Variants in ZNF644 observed in about 807,000 individuals in gnomAD.
ZNF644 encodes the protein zinc finger motif enhancer binding protein 2.
Under a neutral mutation model 108.0 loss-of-function variants are expected in ZNF644, and 20 were observed. The ratio of observed to expected loss-of-function variants is 0.19; its 90% CI spans 0.13 to 0.27. The LOEUF (loss-of-function observed/expected upper bound fraction) is 0.27, where lower values mean the gene tolerates loss of function less well. ZNF644 is among the 10% of genes least tolerant of loss of function. The pLI is 1.00. For missense variants in ZNF644, 1,338 were observed against 1,548.9 expected (o/e 0.86, Z 2.29); for synonymous variants, 542 against 539.1 (o/e 1.01, Z -0.08).
At chr1:90,920,135 G>A (rs1009728919) in intron 4 of ZNF644, among the ~76,000 whole-genome samples, 3 of 152,026 alleles carry the variant, frequency 2.0e-5, no homozygotes, top group Non-Finnish European at 4.4e-5. Context: ...AGTGCTACTA[G>A]ATGTCAGCTA....
intron 4 of ZNF644, among the ~76,000 whole-genome samples, chr1:90,922,536 A>G (rs1407228369): frequency 3.3e-5 from 5 of 152,134 alleles, no homozygotes; most frequent in African/African-American, 1.2e-4. Flanking sequence ...TGGGAAGAGG[A>G]TGCACACATG....
At chr1:90,968,257 A>G (rs1449758116) in intron 2 of ZNF644, among the ~76,000 whole-genome samples, 1 of 152,100 alleles carries the variant, frequency 6.6e-6, no homozygotes, top group Non-Finnish European at 1.5e-5. Flanking sequence ...TAGGTATGTA[A>G]ATGTACTGAT....
chr1:90,959,328 A>G (rs1334301798), intron 2 of ZNF644, among the ~76,000 whole-genome samples: 1 of 152,202 alleles, frequency 6.6e-6, no homozygotes, highest in East Asian at 1.9e-4. Context: ...ATAAGTATGG[A>G]TAATAAGTTT....
Position 90,946,798 on chromosome 1 carries a change from A to T in ZNF644, c.45-5489T>A, listed in dbSNP as rs938829668. 4.0e-5 allele frequency among the ~76,000 whole-genome samples: 6 copies of T among 151,800 alleles called. No homozygotes were observed. The East Asian group carries it at 5.8e-4, about 15-fold the overall frequency. ...TGAGTTTGATATATAGATTGCCATT[A>T]AAAAAAAGCAAACAAATTACACTGA... is the stretch of plus-strand genomic sequence containing the variant. On this transcript the variant is annotated intron_variant, in intron 2 of 5. Transcript: ENST00000337393.
intron 2 of ZNF644, among the ~76,000 whole-genome samples, chr1:90,941,903 T>C (rs1478765734): frequency 6.6e-6 from 1 of 152,202 alleles, no homozygotes; most frequent in Admixed American, 6.5e-5. Flanking sequence ...TAGTCCTTTT[T>C]AAAAGACTGC....
At chr1:90,924,133 A>G (rs980059449) in intron 4 of ZNF644, among the ~76,000 whole-genome samples, 5 of 152,182 alleles carry the variant, frequency 3.3e-5, no homozygotes, top group Non-Finnish European at 5.9e-5. Flanking sequence ...GAGGCAGGCT[A>G]GTTTTATCAG....
intron 4 of ZNF644, among the ~76,000 whole-genome samples, chr1:90,927,147 T>C (rs113657022): frequency 6.6e-6 from 1 of 151,998 alleles, no homozygotes; most frequent in Non-Finnish European, 1.5e-5. Flanking sequence ...CCAAAAGCCT[T>C]GGGAGTTCCT....
At chr1:91,002,915 A>G (rs568730839) in intron 1 of ZNF644, among the ~76,000 whole-genome samples, 3 of 152,094 alleles carry the variant, frequency 2.0e-5, no homozygotes, top group Non-Finnish European at 2.9e-5. Context: ...ATGCAGCCAA[A>G]AGACACATGA....
rs758730264 is a variant in ZNF644, at chr1:90,939,341, T to C, written c.2013A>G (p.Ser671=). The C allele has an allele frequency of 1.7e-5, 27 of 1,613,964 alleles. No individual in the cohort carries two copies. The South Asian group carries it at 2.7e-4, about 16-fold the overall frequency. Residue 671 remains serine (S), a synonymous_variant, in exon 3 of 6, where the codon TCA becomes TCG. Transcript: ENST00000337393. ...VKRTFGSTSQ[S]SSFSKIHKRP... ...GCTTATGAATTTTTGAAAAACTACTTGATTGTGAGGTTGATCCAAATGTTC... is the reference window on the plus strand; with the variant it reads ...GCTTATGAATTTTTGAAAAACTACTCGATTGTGAGGTTGATCCAAATGTTC...
rs1651751228 is a variant in ZNF644 at position 90,939,676 on chromosome 1, C to A, written c.1678G>T (p.Asp560Tyr). The A allele has an allele frequency of 1.2e-6, 2 of 1,614,008 alleles. No individual in the cohort carries two copies. Among genetic ancestry groups the A allele is most frequent in the Non-Finnish European group, 8.5e-7 (1 of 1,179,944 alleles). Residue 560 changes from aspartate (D) to tyrosine (Y), a missense_variant, in exon 3 of 6, where the codon GAT (aspartate) becomes TAT (tyrosine). Transcript: ENST00000337393. Reference protein sequence around the residue: ...AVVKCPMVTSDIAQRKTQKKT... With the variant: ...AVVKCPMVTSYIAQRKTQKKT... ...TTTTGTGTTTTTCTCTGGGCAATAT[C>A]AGAAGTGACCATAGGGCATTTTACC...
At chr1:90,958,419 T>C (rs748178201) in intron 2 of ZNF644, among the ~76,000 whole-genome samples, 3 of 151,976 alleles carry the variant, frequency 2.0e-5, no homozygotes, top group Non-Finnish European at 4.4e-5. Flanking sequence ...GATCCCAGAT[T>C]CAACTCTATC....
chr1:90,918,574 A>ATTAAAT (rs1649067003), intron 4 of ZNF644, among the ~76,000 whole-genome samples: 1 of 152,182 alleles, frequency 6.6e-6, no homozygotes, highest in African/African-American at 2.4e-5. Context: ...ATTTGAGATC[A>ATTAAAT]TTAAATTAAG....
chr1:90,971,937 T>C (rs1241661040), intron 2 of ZNF644, among the ~76,000 whole-genome samples: 1 of 152,116 alleles, frequency 6.6e-6, no homozygotes, highest in African/African-American at 2.4e-5. Context: ...ATTATTCCGT[T>C]TGCATTTTAA....
rs1292790064 is a variant in ZNF644, at chr1:90,940,480, T to G, written c.874A>C (p.Lys292Gln). The G allele has an allele frequency of 6.2e-7, 1 of 1,613,704 alleles. No individual in the cohort carries two copies. Reference sequence around the variant, plus strand: ...ATCTTGCTTACATCCATTTTTCGCTTTCTTTTTTTTTCTAGACCTATTTTA... The same window carrying G: ...ATCTTGCTTACATCCATTTTTCGCTGTCTTTTTTTTTCTAGACCTATTTTA... ...HSKIGLEKKR[K>Q]RKMDVSKITR... Residue 292 changes from lysine (K) to glutamine (Q), a missense_variant, in exon 3 of 6, where the codon AAG becomes CAG. By Grantham distance (53) the Lys-to-Gln change is moderately conservative. Coordinates refer to ENST00000337393, the MANE Select transcript of ZNF644 (RefSeq NM_201269.3).
In ZNF644 at chr1:90,933,400, G is replaced by A. The variant is rs561423183; in HGVS notation, c.3688+4085C>T. On this transcript the variant is annotated intron_variant, in intron 4 of 5. Coordinates refer to ENST00000337393, the MANE Select transcript of ZNF644 (RefSeq NM_201269.3). ...CTTCAGGCTGGGTGCGGTGGCTCTC[G>A]GCTGTAATCCCAGCACTTTGGGAGG... Among the ~76,000 whole-genome samples the A allele has an allele frequency of 3.6e-4, 55 of 151,922 alleles. 1 individual carries two copies. The highest frequency in any genetic ancestry group is 6.8e-3 in the Middle Eastern group (2 of 294).
chr1:90,942,229 T>A (rs1023742411), intron 2 of ZNF644, among the ~76,000 whole-genome samples: 3 of 152,198 alleles, frequency 2.0e-5, no homozygotes, highest in African/African-American at 7.2e-5. Flanking sequence ...GTTTTAAATT[T>A]ATTTCATATA....
chr1:90,955,967 T>C (rs995992668), intron 2 of ZNF644, among the ~76,000 whole-genome samples: 2 of 152,176 alleles, frequency 1.3e-5, no homozygotes, highest in South Asian at 2.1e-4. Flanking sequence ...ATGAGAGACA[T>C]GTGACTCATC....
At chr1:90,951,418 C>T (rs767983375) in intron 2 of ZNF644, among the ~76,000 whole-genome samples, 1 of 152,164 alleles carries the variant, frequency 6.6e-6, no homozygotes, top group African/African-American at 2.4e-5. Flanking sequence ...GACACATTGG[C>T]TTTTTTGTTG....
intron 4 of ZNF644, among the ~76,000 whole-genome samples, chr1:90,925,616 G>T (rs1378543383): frequency 7.6e-6 from 1 of 130,902 alleles, no homozygotes; most frequent in East Asian, 2.4e-4. Flanking sequence ...AAAAAAAAAA[G>T]CAAAACCCAG....
Sources: gnomAD v4.1 joint callset for allele counts (sites outside exome capture counted in the v4.1 genomes callset) on GRCh38, gnomAD v4.1.1 for gene constraint, MANE v1.5 for transcripts, NCBI Gene and HGNC (gene_info 2026-07-23, HGNC 2026-07-21) for gene names.